GSG1L: variants seen among roughly 807,000 people sequenced by gnomAD.
GSG1L encodes the protein GSG1 like.
GSG1L carries 24 observed loss-of-function variants against 42.1 expected under a neutral mutation model. The ratio of observed to expected loss-of-function variants is 0.57; its 90% confidence interval spans 0.41 to 0.80. The LOEUF (loss-of-function observed/expected upper bound fraction) is 0.80, where lower values mean the gene tolerates loss of function less well. Among genes scored for constraint, GSG1L ranks in the 30% least tolerant of loss-of-function variants. The pLI is 0.00. For missense variants in GSG1L, 445 were observed against 472.2 expected (o/e 0.94, Z 0.53); for synonymous variants, 215 against 203.5 (o/e 1.06, Z -0.48).
At chr16:27,828,687 A>G in intron 5 of GSG1L, 102 bp downstream of exon 5, 2 of 1,120,806 alleles carry the variant, frequency 1.8e-6, no homozygotes. Flanking sequence ...CCTCTGTCAT[A>G]CCATTCATTC....
At chr16:28,006,857 T>C (rs994836243) in intron 1 of GSG1L, among the ~76,000 whole-genome samples, 7 of 151,988 alleles carry the variant, frequency 4.6e-5, no homozygotes, top group South Asian at 2.1e-4. Context: ...CTAGCAACCA[T>C]GGAGAGGCCG....
chr16:27,973,913 G>T (rs2085223719), intron 1 of GSG1L, among the ~76,000 whole-genome samples: 1 of 152,168 alleles, frequency 6.6e-6, no homozygotes, highest in Admixed American at 6.5e-5. Context: ...GCCCCAGCCT[G>T]GGTCCTGGCC....
intron 1 of GSG1L, among the ~76,000 whole-genome samples, chr16:28,054,113 T>A (rs554718499): frequency 6.6e-6 from 1 of 151,588 alleles, no homozygotes; most frequent in African/African-American, 2.4e-5. Flanking sequence ...GCCCTCCTCC[T>A]CCCCTCCTCC....
chr16:28,014,530 G>T (rs2085758723), intron 1 of GSG1L, among the ~76,000 whole-genome samples: 2 of 152,070 alleles, frequency 1.3e-5, no homozygotes, highest in Non-Finnish European at 1.5e-5. Context: ...AAGAGACAGG[G>T]TCTCGCTCTG....
chr16:27,801,954 GTTC>G (rs2082887411), intron 6 of GSG1L, among the ~76,000 whole-genome samples: 1 of 152,170 alleles, frequency 6.6e-6, no homozygotes, highest in African/African-American at 2.4e-5. Flanking sequence ...AGGGGACTGA[GTTC>G]TTCTTGCTGG....
chr16:27,959,449 C>G (rs2085043398), intron 2 of GSG1L, among the ~76,000 whole-genome samples: 1 of 130,390 alleles, frequency 7.7e-6, no homozygotes, highest in Admixed American at 9.7e-5. Context: ...GCCTGGGCAA[C>G]AGAGTGAAAC....
chr16:27,937,026 G>A lies in GSG1L; in HGVS notation c.397+26130C>T, dbSNP rs148429492. On this transcript the variant is annotated intron_variant, in intron 2 of 6. Transcript: ENST00000447459. ...AGTCCCTCGCGGTGGGCACTTGCCCGTCCTGACAATAACCTGATGACCTTC... is the reference window on the plus strand; with the variant it reads ...AGTCCCTCGCGGTGGGCACTTGCCCATCCTGACAATAACCTGATGACCTTC... 2.6e-3 allele frequency among the ~76,000 whole-genome samples: 403 copies of A among 152,222 alleles called. 3 individuals are homozygous for A. The highest frequency in any genetic ancestry group is 9.4e-3 in the African/African-American group (390 of 41,546).
At chr16:27,893,400 G>A (rs796974802) in intron 2 of GSG1L, among the ~76,000 whole-genome samples, 12 of 152,266 alleles carry the variant, frequency 7.9e-5, no homozygotes, top group African/African-American at 2.6e-4. Flanking sequence ...GTGACATTGA[G>A]TGGTCCTCTG....
At position 27,837,044 on chromosome 16, in the gene GSG1L, C is replaced by T. The variant is rs1480194249; in HGVS notation, c.662+7906G>A. Reference sequence around the variant, plus strand: ...CAGGTAGGGGTAGAAGTCTAGGTTTCCCACTGGGCGAGTGTATTAGTCTGT... The same window carrying T: ...CAGGTAGGGGTAGAAGTCTAGGTTTTCCACTGGGCGAGTGTATTAGTCTGT... On this transcript the variant is annotated intron_variant, in intron 4 of 6. Coordinates refer to ENST00000447459, the MANE Select transcript of GSG1L (RefSeq NM_001109763.2). 7.2e-5 allele frequency among the ~76,000 whole-genome samples: 11 copies of T among 152,262 alleles called. No individual in the cohort carries two copies. The South Asian group carries it at 1.5e-3, about 20-fold the overall frequency.
intron 1 of GSG1L, among the ~76,000 whole-genome samples, chr16:27,994,085 T>C (rs2085487205): frequency 6.6e-6 from 1 of 152,190 alleles, no homozygotes; most frequent in African/African-American, 2.4e-5. Flanking sequence ...ACCTCATCCT[T>C]TGTGTCCATG....
chr16:28,024,487 A>G (rs1378487416), intron 1 of GSG1L, among the ~76,000 whole-genome samples: 4 of 152,222 alleles, frequency 2.6e-5, no homozygotes, highest in African/African-American at 9.6e-5. Flanking sequence ...ACAAAATACA[A>G]TAATGAAAGA....
chr16:28,044,888 G>A (rs1311747590), intron 1 of GSG1L, among the ~76,000 whole-genome samples: 1 of 152,088 alleles, frequency 6.6e-6, no homozygotes, highest in Non-Finnish European at 1.5e-5. Context: ...GCCTCCCAAA[G>A]TGCCAGGATT....
intron 1 of GSG1L, among the ~76,000 whole-genome samples, chr16:28,002,715 G>A (rs893115645): frequency 2.6e-5 from 4 of 152,100 alleles, no homozygotes; most frequent in South Asian, 2.1e-4. Flanking sequence ...AGGACCAGAA[G>A]GTCAGGAGAT....
At chr16:28,035,552 TTTAA>T in intron 1 of GSG1L, among the ~76,000 whole-genome samples, 2 of 152,264 alleles carry the variant, frequency 1.3e-5, no homozygotes, top group Middle Eastern at 6.8e-3. Flanking sequence ...CGGGACCATG[TTTAA>T]TTAATAAAAT....
intron 2 of GSG1L, among the ~76,000 whole-genome samples, chr16:27,950,958 C>G (rs77588380): frequency 0.011 from 1,738 of 152,280 alleles, 36 homozygotes; most frequent in African/African-American, 0.04. Context: ...GATTGTGAGT[C>G]TGGATCCCCT....
intron 3 of GSG1L, among the ~76,000 whole-genome samples, chr16:27,859,675 T>C (rs1201446195): frequency 6.6e-6 from 1 of 152,190 alleles, no homozygotes; most frequent in Non-Finnish European, 1.5e-5. Context: ...ATTTATTCTA[T>C]TTACTTTTTA....
In GSG1L at chr16:28,007,479, G is replaced by T. The variant is rs144038059; in HGVS notation, c.350-44276C>A. Among the ~76,000 whole-genome samples the T allele has an allele frequency of 7.0e-3, 596 of 85,720 alleles. 4 individuals are homozygous for T. The highest frequency in any genetic ancestry group is 0.043 in the African/African-American group (561 of 13,168). The allele number at this position is 85,720 out of a possible 152,430, so 56.2% of individuals were successfully genotyped here. ...GAGAATAAATGTGCATGTGTGTGTGGTTGGTTGGTTGGTTGGTTGGTTGGT... is the reference window on the plus strand; with the variant it reads ...GAGAATAAATGTGCATGTGTGTGTGTTTGGTTGGTTGGTTGGTTGGTTGGT... On this transcript the variant is annotated intron_variant, in intron 1 of 6. Transcript: ENST00000447459.
chr16:27,971,221 A>T (rs2085189703), intron 1 of GSG1L, among the ~76,000 whole-genome samples: 2 of 152,322 alleles, frequency 1.3e-5, no homozygotes, highest in African/African-American at 4.8e-5. Context: ...TGAATCTGTA[A>T]TGGGACCAAT....
At chr16:27,832,557 T>C (rs1027822233) in intron 4 of GSG1L, among the ~76,000 whole-genome samples, 1 of 152,254 alleles carries the variant, frequency 6.6e-6, no homozygotes. Flanking sequence ...AGTTTGTTCC[T>C]TTATATTGCT....
Sources: allele counts gnomAD v4.1 joint callset (sites outside exome capture counted in the v4.1 genomes callset), GRCh38; gene constraint gnomAD v4.1.1; transcripts MANE v1.5; gene names NCBI Gene and HGNC (gene_info 2026-07-23, HGNC 2026-07-21).